Variants in CLHC1 observed in about 807,000 individuals in gnomAD.
CLHC1 encodes clathrin heavy chain linker domain-containing protein 1.
CLHC1 carries 72 observed loss-of-function variants against 69.5 expected under a neutral mutation model. That is an observed-to-expected ratio of 1.04 (90% CI 0.86 to 1.26). The LOEUF is 1.26. CLHC1 is among the 50% of genes most tolerant of loss of function. CLHC1 has a pLI of 0.00. For missense variants in CLHC1, 790 were observed against 679.3 expected, an observed-to-expected ratio of 1.16 and a Z score of -1.81; for synonymous variants, 223 against 224.3, an observed-to-expected ratio of 0.99 and a Z score of 0.05.
At chr2:55,202,065 G>A (rs577286956) in intron 9 of CLHC1, among the ~76,000 whole-genome samples, 2 of 152,162 alleles carry the variant, frequency 1.3e-5, no homozygotes, top group African/African-American at 4.8e-5. Flanking sequence ...ACACTGAATG[G>A]GAGGAAACTG....
In CLHC1 at chr2:55,212,762, A is replaced by G; in HGVS notation, c.410T>C (p.Ile137Thr). 1 of 1,600,288 alleles carries G rather than the reference A, an allele frequency of 6.2e-7. No individual in the cohort carries two copies. Among genetic ancestry groups the G allele is most frequent in the Non-Finnish European group, 8.6e-7 (1 of 1,167,510 alleles). The change falls in exon 5 of 13, where the codon ATA becomes ACA. Residue 137 changes from isoleucine to threonine, a missense_variant. Coordinates refer to ENST00000401408, the MANE Select transcript of CLHC1 (RefSeq NM_152385.4). The part of the protein sequence containing the change: ...ESNSSKIQSQ[I>T]DHIKQCRAEY... ...TGCCCTACACTGCTTGATGTGATCT[A>G]TTTGAGATTGAATCTTCGAGGAATT... is the stretch of plus-strand genomic sequence containing the variant.
At position 55,206,373 on chromosome 2, in the gene CLHC1, A is replaced by G. The variant is rs749772675; in HGVS notation, c.903T>C (p.Phe301=). The G allele has an allele frequency of 1.3e-6, 2 of 1,558,906 alleles. No individual in the cohort carries two copies. The highest frequency in any genetic ancestry group is 1.8e-6 in the Non-Finnish European group (2 of 1,131,028). Residue 301 remains phenylalanine (F), a synonymous_variant, in exon 9 of 13, where the codon TTT becomes TTC. Coordinates refer to ENST00000401408, the MANE Select transcript of CLHC1 (RefSeq NM_152385.4). ...AEIMLHYIER[F]NELISLGEYE... ...ATTCACCAAGTGAGATTAACTCATT[A>G]AACCTATAGCCATCACATTTTAAAA...
chr2:55,204,503 G>C (rs1672252549), intron 9 of CLHC1, among the ~76,000 whole-genome samples: 1 of 152,144 alleles, frequency 6.6e-6, no homozygotes, highest in Non-Finnish European at 1.5e-5. Context: ...GGGAACCCTT[G>C]TACACTGTTG....
chr2:55,197,430 A>C lies in CLHC1; in HGVS notation c.1006+8840T>G, dbSNP rs117595210. ...GCTGGCTTCAGGTCTGACCTACTAC[A>C]TTCCCAGAGCTGGTGACCACAGTGG... is the stretch of plus-strand genomic sequence containing the variant. On this transcript the variant is annotated intron_variant, in intron 9 of 12. Coordinates refer to ENST00000401408, the MANE Select transcript of CLHC1 (RefSeq NM_152385.4). Among the ~76,000 whole-genome samples, 77 of 152,328 alleles carry C rather than the reference A, an allele frequency of 5.1e-4. 1 individual carries two copies. In the East Asian group the frequency reaches 0.014, roughly 27 times the overall value.
At chr2:55,180,813 C>T in intron 10 of CLHC1, 101 bp from the exon 11 acceptor site, 3 of 822,296 alleles carry the variant, frequency 3.6e-6, no homozygotes, top group Non-Finnish European at 5.9e-6. Context: ...GGATTTTCTA[C>T]TACCTGTAAG....
In CLHC1 at chr2:55,172,684, T is replaced by C. The variant is rs1403167822; in HGVS notation, c.*3106A>G. On this transcript the variant is annotated 3_prime_UTR_variant, in exon 13 of 13. Transcript: ENST00000401408. ...GAATGGAAGAAATGTATGAGCTTTC[T>C]ATGAAATGTACAAAGTTAAAAAAAA... 7.6e-6 allele frequency among the ~76,000 whole-genome samples: 1 copy of C among 132,174 alleles called. No homozygotes were observed. The highest frequency in any genetic ancestry group is 2.0e-4 in the East Asian group (1 of 4,880). The allele number at this position is 132,174 out of a possible 152,430, so 86.7% of individuals were successfully genotyped here.
chr2:55,209,154 T>G (rs1672739795), intron 7 of CLHC1, among the ~76,000 whole-genome samples: 1 of 152,180 alleles, frequency 6.6e-6, no homozygotes, highest in African/African-American at 2.4e-5. Context: ...ATTACAGGCA[T>G]GAGCCACCGT....
rs1431860213 is a variant in CLHC1, at chr2:55,174,114, C to G, written c.*1676G>C. ...TCCTTTTTTCCATCCTTTATCTGCT[C>G]TTTTCAACAGCCTGTATGAAGGCCA... On this transcript the variant is annotated 3_prime_UTR_variant, in exon 13 of 13. Coordinates refer to ENST00000401408, the MANE Select transcript of CLHC1 (RefSeq NM_152385.4). Among the ~76,000 whole-genome samples, 1 of 151,710 alleles carries G rather than the reference C, an allele frequency of 6.6e-6. No individual in the cohort carries two copies. Among genetic ancestry groups the G allele is most frequent in the East Asian group, 1.9e-4 (1 of 5,170 alleles).
chr2:55,200,580 T>G (rs962359099), intron 9 of CLHC1, among the ~76,000 whole-genome samples: 2 of 152,150 alleles, frequency 1.3e-5, no homozygotes, highest in African/African-American at 4.8e-5. Flanking sequence ...ATAATAATAG[T>G]TGGAGAATTC....
At chr2:55,183,415 A>G (rs1295759671) in intron 9 of CLHC1, among the ~76,000 whole-genome samples, 1 of 152,194 alleles carries the variant, frequency 6.6e-6, no homozygotes, top group Non-Finnish European at 1.5e-5. Context: ...CTTGCTTTGT[A>G]CTCTGTCAAG....
In CLHC1 at chr2:55,222,328, T is replaced by G; in HGVS notation, c.84A>C (p.Gln28His). The change falls in exon 3 of 13, where the codon CAA (glutamine) becomes CAC (histidine). Residue 28 changes from glutamine to histidine, a missense_variant. Transcript: ENST00000401408. ...RSDKEFLESV[Q>H]RYIITETERL... ...TTTCAGTTTCTGTAATTATGTATCT[T>G]TGCACACTTTCCAAAAATTCCTTGT... is the stretch of plus-strand genomic sequence containing the variant. The G allele has an allele frequency of 1.9e-6, 3 of 1,613,494 alleles. No individual in the cohort carries two copies. The highest frequency in any genetic ancestry group is 2.5e-6 in the Non-Finnish European group (3 of 1,179,606).
chr2:55,217,003 G>C (rs1368468676), intron 4 of CLHC1, among the ~76,000 whole-genome samples: 1 of 151,198 alleles, frequency 6.6e-6, no homozygotes, highest in Non-Finnish European at 1.5e-5. Flanking sequence ...ACAAAAATTA[G>C]TCTGACATAG....
rs556661172 is a variant in CLHC1 at position 55,180,994 on chromosome 2, A to T, written c.1182-282T>A. On this transcript the variant is annotated intron_variant, in intron 10 of 12. Transcript: ENST00000401408. ...GGAAACTAAATGCATATATATATATATTTTTAGATTGAGTCTCGCTCTGTC... is the reference window on the plus strand; with the variant it reads ...GGAAACTAAATGCATATATATATATTTTTTTAGATTGAGTCTCGCTCTGTC... Among the ~76,000 whole-genome samples, 6 of 152,072 alleles carry T rather than the reference A, an allele frequency of 3.9e-5. No individual in the cohort carries two copies. In the East Asian group the frequency reaches 7.7e-4, roughly 20 times the overall value.
At chr2:55,186,624 C>A (rs951276723) in intron 9 of CLHC1, among the ~76,000 whole-genome samples, 1 of 151,966 alleles carries the variant, frequency 6.6e-6, no homozygotes, top group African/African-American at 2.4e-5. Flanking sequence ...ATTAACCAGG[C>A]ATGGTGGGTA....
intron 5 of CLHC1, among the ~76,000 whole-genome samples, chr2:55,212,343 T>C (rs962435667): frequency 6.6e-6 from 1 of 152,064 alleles, no homozygotes; most frequent in Non-Finnish European, 1.5e-5. Context: ...ACCCACTGAG[T>C]TTCTGACACA....
intron 10 of CLHC1, among the ~76,000 whole-genome samples, chr2:55,181,327 C>T (rs566132445): frequency 1.3e-5 from 2 of 152,166 alleles, no homozygotes; most frequent in South Asian, 4.1e-4. Context: ...CAGGGTTTCA[C>T]CATGTTGGCC....
At chr2:55,220,875 A>G (rs1253326761) in intron 3 of CLHC1, among the ~76,000 whole-genome samples, 1 of 152,238 alleles carries the variant, frequency 6.6e-6, no homozygotes, top group African/African-American at 2.4e-5. Context: ...ACCAAGAGCA[A>G]TATCATTGAT....
chr2:55,217,764 A>G (rs761647131), intron 4 of CLHC1, 47 bp downstream of exon 4: 13 of 1,255,918 alleles, frequency 1.0e-5, no homozygotes, highest in Middle Eastern at 4.0e-4. Context: ...AGTTATTATA[A>G]TCAAGCAACA....
Position 55,172,772 on chromosome 2 carries a change from AGGCACCTAAAAAGTAACAG to A in CLHC1, c.*2999_*3017del, listed in dbSNP as rs993574194. ...TGCTTTAGCAATCCAACAGAATTCC[AGGCACCTAAAAAGTAACAG>A]GTTTTCACCTTTTAAAGTTAAAAAA... On this transcript the variant is annotated 3_prime_UTR_variant, in exon 13 of 13. Coordinates refer to ENST00000401408, the MANE Select transcript of CLHC1 (RefSeq NM_152385.4). 1.3e-5 allele frequency among the ~76,000 whole-genome samples: 2 copies of A among 151,502 alleles called. No individual in the cohort carries two copies. The highest frequency in any genetic ancestry group is 2.9e-5 in the Non-Finnish European group (2 of 67,862).
Sources: gnomAD v4.1 joint callset for allele counts (sites outside exome capture counted in the v4.1 genomes callset) on GRCh38, gnomAD v4.1.1 for gene constraint, MANE v1.5 for transcripts, NCBI Gene and HGNC (gene_info 2026-07-23, HGNC 2026-07-21) for gene names.